The following MFN2 variants were observed in gnomAD, a reference collection of about 807,000 sequenced individuals.
The protein encoded by MFN2 is mitofusin 2, also known as mitofusin-2.
MFN2 carries 43 observed loss-of-function variants against 87.5 expected under a neutral mutation model. The ratio of observed to expected loss-of-function variants is 0.49; its 90% confidence interval spans 0.38 to 0.63. The LOEUF (loss-of-function observed/expected upper bound fraction) is 0.63, where lower values mean the gene tolerates loss of function less well. MFN2 is among the 30% of genes least tolerant of loss of function. MFN2 has a pLI of 0.00. For synonymous variants in MFN2, 337 were observed against 359.9 expected (o/e 0.94, Z 0.72); for missense variants, 743 against 972.8 (o/e 0.76, Z 3.14).
chr1:11,995,609 G>C (rs888251848), intron 4 of MFN2, among the ~76,000 whole-genome samples: 1 of 152,074 alleles, frequency 6.6e-6, no homozygotes. Context: ...CTCCAGCCTG[G>C]GCGACAGAGT....
At chr1:11,981,623 T>G (rs1169550161) in intron 1 of MFN2, among the ~76,000 whole-genome samples, 2 of 152,250 alleles carry the variant, frequency 1.3e-5, no homozygotes, top group Non-Finnish European at 2.9e-5. Flanking sequence ...TGTTCCTCAA[T>G]AGTCAGCTGT....
chr1:12,002,611 C>A (rs1324354215), intron 11 of MFN2, among the ~76,000 whole-genome samples: 1 of 152,160 alleles, frequency 6.6e-6, no homozygotes, highest in African/African-American at 2.4e-5. Context: ...TCACTGGAGC[C>A]CAGGAGTTCA....
At position 12,006,422 on chromosome 1, in the gene MFN2, TGGAAA is replaced by T; in HGVS notation, c.1717-115_1717-111del. ...AGCTAGTTGTCCCCTTTTTGCCTTT[TGGAAA>T]TTGAAGAGCCACTCTGTGTCCCTGT... On this transcript the variant is annotated intron_variant, in intron 15 of 18. Coordinates refer to ENST00000235329, the MANE Select transcript of MFN2 (RefSeq NM_014874.4). 27 of 1,400,558 alleles carry T rather than the reference TGGAAA, an allele frequency of 1.9e-5. No individual in the cohort carries two copies. In the Admixed American group the frequency reaches 2.2e-4, roughly 11 times the overall value. The allele number at this position is 1,400,558 out of a possible 1,614,324, so 86.8% of individuals were successfully genotyped here.
Position 11,992,254 on chromosome 1 carries a change from T to C in MFN2, c.176-301T>C, listed in dbSNP as rs183954803. 4.4e-4 allele frequency: 191 copies of C among 433,438 alleles called. 1 individual carries two copies. In the East Asian group the frequency reaches 4.9e-3, roughly 11 times the overall value. The allele number at this position is 433,438 out of a possible 1,614,324, so 26.8% of individuals were successfully genotyped here. A position where few individuals can be genotyped will look rare whatever the true frequency, so the allele number is the denominator to read the frequency against. On this transcript the variant is annotated intron_variant, in intron 3 of 18. Coordinates refer to ENST00000235329, the MANE Select transcript of MFN2 (RefSeq NM_014874.4). ...CGATGTTCTCATGAAGTAGATAATG[T>C]AGTTATCTCCGTTTTGTGCTTAAGG...
At position 11,996,327 on chromosome 1, in the gene MFN2, G is replaced by T; in HGVS notation, c.474+9G>T. On this transcript the variant is annotated intron_variant, in intron 5 of 18. Transcript: ENST00000235329. ...AAAAGAGGAGTGCCAAGGTGAGGGTGCCAGGCTGGCTGTCAGCCCTGTGCC... is the reference window on the plus strand; with the variant it reads ...AAAAGAGGAGTGCCAAGGTGAGGGTTCCAGGCTGGCTGTCAGCCCTGTGCC... The T allele has an allele frequency of 6.2e-7, 1 of 1,613,934 alleles. No homozygotes were observed. The highest frequency in any genetic ancestry group is 8.5e-7 in the Non-Finnish European group (1 of 1,179,974).
intron 18 of MFN2, 69 bp from the exon 19 acceptor site, chr1:12,011,427 G>T (rs1394162294): frequency 1.3e-6 from 2 of 1,504,792 alleles, no homozygotes; most frequent in Non-Finnish European, 1.8e-6. Context: ...TTAGGATGGT[G>T]CCTGGCGGGT....
At chr1:11,990,793 A>G (rs531568521) in intron 3 of MFN2, among the ~76,000 whole-genome samples, 1 of 152,316 alleles carries the variant, frequency 6.6e-6, no homozygotes, top group Admixed American at 6.5e-5. Flanking sequence ...TCCGAGGGAC[A>G]TTCCAAAGGC....
At position 11,997,879 on chromosome 1, in the gene MFN2, C is replaced by CTTTTTTT. The variant is rs768355266; in HGVS notation, c.599+474_599+480dup. 3.7e-4 allele frequency among the ~76,000 whole-genome samples: 35 copies of CTTTTTTT among 95,862 alleles called. 1 individual carries two copies. Among genetic ancestry groups the CTTTTTTT allele is most frequent in the East Asian group, 6.9e-4 (2 of 2,916 alleles). 62.9% of individuals were successfully genotyped at this position (95,862 alleles called of 152,430 possible). A position where few individuals can be genotyped will look rare whatever the true frequency, so the allele number is the denominator to read the frequency against. ...CAACTTCACCTTAATTGTATATCAT[C>CTTTTTTT]TTTTTTTTTTTTTTTTTTTTTTGAG... On this transcript the variant is annotated intron_variant, in intron 6 of 18. Coordinates refer to ENST00000235329, the MANE Select transcript of MFN2 (RefSeq NM_014874.4).
intron 3 of MFN2, chr1:11,992,266 T>G: frequency 2.2e-6 from 1 of 464,152 alleles, no homozygotes; most frequent in Non-Finnish European, 4.0e-6. Flanking sequence ...GTTATCTCCG[T>G]TTTGTGCTTA....
chr1:11,999,705 G>A (rs1359754052), intron 8 of MFN2, among the ~76,000 whole-genome samples: 2 of 151,874 alleles, frequency 1.3e-5, no homozygotes, highest in East Asian at 1.9e-4. Flanking sequence ...GGTAACAAAC[G>A]GCATGGTGGT....
At chr1:11,998,945 G>A (rs1472414871) in intron 7 of MFN2, 43 bp from the exon 8 acceptor site, 2 of 1,612,328 alleles carry the variant, frequency 1.2e-6, no homozygotes, top group Admixed American at 1.7e-5. Context: ...TGGGGCCTTG[G>A]CTGTCAAGCT....
At chr1:12,009,748 A>C in intron 18 of MFN2, 22 bp downstream of exon 18, 1 of 1,614,050 alleles carries the variant, frequency 6.2e-7, no homozygotes, top group South Asian at 1.1e-5. Flanking sequence ...CCGTGTGGCC[A>C]AAGGTTAGGG....
intron 1 of MFN2, 73 bp downstream of exon 1, chr1:11,980,557 T>G: frequency 2.5e-6 from 1 of 397,424 alleles, no homozygotes; most frequent in Non-Finnish European, 4.4e-6. Context: ...CAGCTCGGCG[T>G]GGGCCGACGG....
intron 17 of MFN2, 32 bp from the exon 18 acceptor site, chr1:12,009,560 C>G: frequency 6.2e-7 from 1 of 1,614,092 alleles, no homozygotes; most frequent in Non-Finnish European, 8.5e-7. Context: ...GCTCCACACA[C>G]CCCAACTGGG....
chr1:12,005,251 T>G (rs1247583939), intron 14 of MFN2, among the ~76,000 whole-genome samples: 1 of 152,152 alleles, frequency 6.6e-6, no homozygotes, highest in East Asian at 1.9e-4. Context: ...TGGCTAATTT[T>G]TTTGTATTTT....
At chr1:12,005,535 C>G (rs1416190958) in intron 14 of MFN2, among the ~76,000 whole-genome samples, 176 bp from the exon 15 acceptor site, 9 of 152,250 alleles carry the variant, frequency 5.9e-5, no homozygotes, top group Admixed American at 5.9e-4. Flanking sequence ...CCTGGGAGAG[C>G]TGGCCTCAAG....
At chr1:11,998,209 C>T (rs1639015152) in intron 6 of MFN2, among the ~76,000 whole-genome samples, 1 of 151,864 alleles carries the variant, frequency 6.6e-6, no homozygotes, top group Non-Finnish European at 1.5e-5. Flanking sequence ...AGTAGAATTA[C>T]AAGTAATTCT....
chr1:11,992,393 C>T (rs771774851), intron 3 of MFN2, 162 bp from the exon 4 acceptor site: 39 of 866,608 alleles, frequency 4.5e-5, no homozygotes, highest in African/African-American at 1.3e-4. Flanking sequence ...ACCACCACAC[C>T]GTGGGGCCAC....
intron 3 of MFN2, among the ~76,000 whole-genome samples, chr1:11,991,684 G>A (rs941948590): frequency 1.3e-5 from 2 of 152,102 alleles, no homozygotes; most frequent in Non-Finnish European, 2.9e-5. Context: ...CAGCACTTTG[G>A]GAGGCCGAGG....
Sources: allele counts gnomAD v4.1 joint callset (sites outside exome capture counted in the v4.1 genomes callset), GRCh38; gene constraint gnomAD v4.1.1; transcripts MANE v1.5; gene names NCBI Gene and HGNC (gene_info 2026-07-23, HGNC 2026-07-21).